ATXN10: variants seen among roughly 807,000 people sequenced by gnomAD.
ATXN10 encodes the protein ataxin 10.
ATXN10 carries 28 observed loss-of-function variants against 52.9 expected under a neutral mutation model. The ratio of observed to expected loss-of-function variants is 0.53; its 90% CI spans 0.39 to 0.73. ATXN10 has a LOEUF of 0.73. ATXN10 is among the 30% of genes least tolerant of loss of function. The pLI is 0.00. For synonymous variants in ATXN10, 226 were observed against 221.5 expected, an observed-to-expected ratio of 1.02 and a Z score of -0.18; for missense variants, 565 against 577.0, an observed-to-expected ratio of 0.98 and a Z score of 0.21.
rs1472407679 is a variant in ATXN10 at position 45,780,980 on chromosome 22, T to G, written c.1174-25979T>G. Among the ~76,000 whole-genome samples, 1 of 152,104 alleles carries G rather than the reference T, an allele frequency of 6.6e-6. No homozygotes were observed. Among genetic ancestry groups the G allele is most frequent in the Non-Finnish European group, 1.5e-5 (1 of 68,014 alleles). On this transcript the variant is annotated intron_variant, in intron 9 of 11. Coordinates refer to ENST00000252934, the MANE Select transcript of ATXN10 (RefSeq NM_013236.4). This position sits in a 1 kb window ranked among gnomAD's most constrained non-coding sequence, Gnocchi z 4.0. The stretch of plus-strand genomic sequence containing the variant: ...AGTTCCCTGGGTTTTCTCAGACTGA[T>G]TAATGTTAGAGAAGCTGTCAACCCA...
chr22:45,806,972 A>G lies in ATXN10; in HGVS notation c.1187A>G (p.Asp396Gly), dbSNP rs1244354372. 6.2e-7 allele frequency: 1 copy of G among 1,613,700 alleles called. No individual in the cohort carries two copies. The highest frequency in any genetic ancestry group is 1.3e-5 in the African/African-American group (1 of 74,920). Residue 396 changes from aspartate (D) to glycine (G), a missense_variant, in exon 10 of 12, where the codon GAT becomes GGT. Coordinates refer to ENST00000252934, the MANE Select transcript of ATXN10 (RefSeq NM_013236.4). ...CTTTCTCTCTAGGTAAATGAGCTGG[A>G]TGGTATCCCGTTGATCCTGGACAAC... Reference protein sequence around the residue: ...KDNQDKVNELDGIPLILDNCN... With the variant: ...KDNQDKVNELGGIPLILDNCN...
intron 9 of ATXN10, among the ~76,000 whole-genome samples, chr22:45,771,779 TC>T (rs1384896906): frequency 3.3e-5 from 5 of 152,240 alleles, no homozygotes; most frequent in South Asian, 4.2e-4. Flanking sequence ...TTGTTTTCTT[TC>T]TGTCTTAATT....
At chr22:45,674,369 C>T (rs55882179) in intron 1 of ATXN10, 2,106 of 152,426 alleles carry the variant, frequency 0.014, 15 homozygotes, top group Non-Finnish European at 0.021. Context: ...AACTGATGTG[C>T]AGGTCCTGGC....
At position 45,740,498 on chromosome 22, in the gene ATXN10, T is replaced by C. The variant is rs1925469410; in HGVS notation, c.1133T>C (p.Ile378Thr). ...TTTAAGTCTCATCTCATTCGTCTGA[T>C]TGGAAATCTGTGTTACAAGAATAAA... ...NGFKSHLIRL[I>T]GNLCYKNKDN... Residue 378 changes from isoleucine (I) to threonine (T), a missense_variant, in exon 9 of 12, where the codon ATT becomes ACT. By Grantham distance (89) the Ile-to-Thr change is moderately conservative (BLOSUM62 -1). Transcript: ENST00000252934. 1 of 1,613,716 alleles carries C rather than the reference T, an allele frequency of 6.2e-7. No homozygotes were observed. Among genetic ancestry groups the C allele is most frequent in the African/African-American group, 1.3e-5 (1 of 74,864 alleles).
chr22:45,672,227 G>GGACTCCCGCGGCGGCCCC, intron 1 of ATXN10, 48 bp downstream of exon 1: 2 of 1,445,370 alleles, frequency 1.4e-6, no homozygotes, highest in Non-Finnish European at 9.1e-7. Context: ...AGGGCGGCCG[G>GGACTCCCGCGGCGGCCCC]GACTCCCGCG....
intron 6 of ATXN10, among the ~76,000 whole-genome samples, chr22:45,725,683 T>C (rs1924840626): frequency 6.6e-6 from 1 of 152,186 alleles, no homozygotes; most frequent in Non-Finnish European, 1.5e-5. Context: ...TTGTTCTGGC[T>C]AGACCTTCCA....
chr22:45,814,685 T>C (rs1928397981), intron 10 of ATXN10, among the ~76,000 whole-genome samples: 1 of 152,174 alleles, frequency 6.6e-6, no homozygotes. Flanking sequence ...GCCGCAGACC[T>C]GGTACTGGGC....
intron 10 of ATXN10, 56 bp downstream of exon 10, chr22:45,807,078 AC>A: frequency 7.0e-7 from 1 of 1,427,534 alleles, no homozygotes. Context: ...CCTTAGCAAA[AC>A]AAGTCCCTTG....
rs534445759 is a variant in ATXN10 at position 45,820,552 on chromosome 22, C to T, written c.1237+13530C>T. Among the ~76,000 whole-genome samples the T allele has an allele frequency of 5.3e-5, 8 of 152,310 alleles. No homozygotes were observed. The East Asian group carries it at 1.5e-3, about 29-fold the overall frequency. On this transcript the variant is annotated intron_variant, in intron 10 of 11. Coordinates refer to ENST00000252934, the MANE Select transcript of ATXN10 (RefSeq NM_013236.4). This position sits in a 1 kb window ranked among gnomAD's most constrained non-coding sequence, Gnocchi z 4.9. ...GGAGGAAAAGGGAAGCCTCTGGCTG[C>T]TTTGGGCTTTCTGATCCTTGTGGTT...
chr22:45,741,035 G>A (rs1034036643), intron 9 of ATXN10, among the ~76,000 whole-genome samples: 10 of 152,140 alleles, frequency 6.6e-5, no homozygotes, highest in African/African-American at 2.2e-4. Context: ...CTTAAAGGTA[G>A]TTATATTGAG....
chr22:45,701,343 C>G lies in ATXN10; in HGVS notation c.488+965C>G, dbSNP rs576810989. On this transcript the variant is annotated intron_variant, in intron 4 of 11. Coordinates refer to ENST00000252934, the MANE Select transcript of ATXN10 (RefSeq NM_013236.4). This position sits in a 1 kb window ranked among gnomAD's most constrained non-coding sequence, Gnocchi z 4.2. Reference sequence around the variant, plus strand: ...CCATTGCTGCCATCTGGATCTAAAGCCTATCTATGCTCATTGTAAATACTG... The same window carrying G: ...CCATTGCTGCCATCTGGATCTAAAGGCTATCTATGCTCATTGTAAATACTG... Among the ~76,000 whole-genome samples the G allele has an allele frequency of 2.0e-5, 3 of 152,142 alleles. No individual in the cohort carries two copies. Among genetic ancestry groups the G allele is most frequent in the Non-Finnish European group, 4.4e-5 (3 of 68,018 alleles).
intron 9 of ATXN10, among the ~76,000 whole-genome samples, chr22:45,748,066 G>A (rs1925803375): frequency 6.6e-6 from 1 of 152,006 alleles, no homozygotes; most frequent in African/African-American, 2.4e-5. Context: ...GTGCTCCCAG[G>A]TGCTTGGGGG....
chr22:45,689,576 G>C (rs1436550729), intron 1 of ATXN10, 136 bp from the exon 2 acceptor site: 2 of 669,836 alleles, frequency 3.0e-6, no homozygotes, highest in Middle Eastern at 4.0e-4. Context: ...TTTATTTGGT[G>C]TTGTAAATTA....
Position 45,818,287 on chromosome 22 carries a change from A to C in ATXN10, c.1237+11265A>C, listed in dbSNP as rs547894715. On this transcript the variant is annotated intron_variant, in intron 10 of 11. Transcript: ENST00000252934. This position sits in a 1 kb window ranked among gnomAD's most constrained non-coding sequence, Gnocchi z 4.6. ...CTTTCCAGGGCATTAACAGTTATGC[A>C]CTTGTGTGTCTTTAGAGCCATGGTC... is the stretch of plus-strand genomic sequence containing the variant. Among the ~76,000 whole-genome samples, 1 of 152,266 alleles carries C rather than the reference A, an allele frequency of 6.6e-6. No individual in the cohort carries two copies. Among genetic ancestry groups the C allele is most frequent in the South Asian group, 2.1e-4 (1 of 4,830 alleles).
At chr22:45,741,105 C>G (rs1925517385) in intron 9 of ATXN10, among the ~76,000 whole-genome samples, 2 of 152,140 alleles carry the variant, frequency 1.3e-5, no homozygotes, top group African/African-American at 4.8e-5. Flanking sequence ...TCAGATTGAT[C>G]TCGCCTTTCT....
chr22:45,781,159 A>G lies in ATXN10; in HGVS notation c.1174-25800A>G, dbSNP rs1927135995. On this transcript the variant is annotated intron_variant, in intron 9 of 11. Transcript: ENST00000252934. This position sits in a 1 kb window ranked among gnomAD's most constrained non-coding sequence, Gnocchi z 4.2. Reference sequence around the variant, plus strand: ...ACGGAAAAGAATGTGGCCCCAGCCCACCAACAATGGCTGAATGGGGAGCCG... The same window carrying G: ...ACGGAAAAGAATGTGGCCCCAGCCCGCCAACAATGGCTGAATGGGGAGCCG... Among the ~76,000 whole-genome samples, 1 of 152,184 alleles carries G rather than the reference A, an allele frequency of 6.6e-6. No homozygotes were observed. The highest frequency in any genetic ancestry group is 1.5e-5 in the Non-Finnish European group (1 of 68,018).
chr22:45,793,465 T>G, intron 9 of ATXN10: 1 of 796,874 alleles, frequency 1.3e-6, no homozygotes, highest in Non-Finnish European at 1.7e-6. Flanking sequence ...TCTTGAGGTC[T>G]TATTCCATTT....
rs1442280659 is a variant in ATXN10, at chr22:45,816,553, T to G, written c.1237+9531T>G. Among the ~76,000 whole-genome samples, 1 of 152,164 alleles carries G rather than the reference T, an allele frequency of 6.6e-6. No homozygotes were observed. The highest frequency in any genetic ancestry group is 1.5e-5 in the Non-Finnish European group (1 of 68,030). ...ATGTAACCTTTCCCCCAAGGAAAGT[T>G]TATCCCAGGTGGGAACTATGTCATC... On this transcript the variant is annotated intron_variant, in intron 10 of 11. Transcript: ENST00000252934. This position sits in a 1 kb window ranked among gnomAD's most constrained non-coding sequence, Gnocchi z 5.8.
At chr22:45,747,756 G>A (rs1384498668) in intron 9 of ATXN10, among the ~76,000 whole-genome samples, 1 of 152,110 alleles carries the variant, frequency 6.6e-6, no homozygotes, top group African/African-American at 2.4e-5. Flanking sequence ...TAAAATAGGG[G>A]CAGTTACACC....
Sources: allele counts gnomAD v4.1 joint callset (sites outside exome capture counted in the v4.1 genomes callset), GRCh38; gene constraint gnomAD v4.1.1; non-coding constraint Gnocchi (gnomAD v3.1); transcripts MANE v1.5; gene names NCBI Gene and HGNC (gene_info 2026-07-23, HGNC 2026-07-21).